Variants in IMPG1 observed in about 807,000 individuals in gnomAD.
IMPG1 encodes interphotoreceptor matrix proteoglycan 1, also known as interphotoreceptor matrix proteoglycan of 150 kDa.
IMPG1 carries 85 observed loss-of-function variants against 92.0 expected under a neutral mutation model. That is an observed-to-expected ratio of 0.92 (90% CI 0.78 to 1.11). IMPG1 has a LOEUF of 1.11. Ranked by LOEUF, IMPG1 falls within the 50% of genes least tolerant of loss-of-function variation. IMPG1 has a pLI of 0.00. For synonymous variants in IMPG1, 367 were observed against 334.1 expected, an observed-to-expected ratio of 1.10 and a Z score of -1.08; for missense variants, 1,022 against 956.0, an observed-to-expected ratio of 1.07 and a Z score of -0.91.
chr6:76,068,560 G>C (rs534786541), intron 1 of IMPG1, among the ~76,000 whole-genome samples: 16 of 145,996 alleles, frequency 1.1e-4, no homozygotes, highest in Middle Eastern at 3.6e-3. Flanking sequence ...TGTTACCCAG[G>C]CTGGAGTGCA....
At chr6:76,017,898 G>A (rs189195832) in intron 7 of IMPG1, among the ~76,000 whole-genome samples, 6 of 151,982 alleles carry the variant, frequency 3.9e-5, no homozygotes, top group South Asian at 2.1e-4. Flanking sequence ...GATTACAGGC[G>A]CCCACCACCA....
At chr6:76,021,664 C>T (rs1006553586) in intron 6 of IMPG1, among the ~76,000 whole-genome samples, 3 of 150,992 alleles carry the variant, frequency 2.0e-5, no homozygotes, top group Admixed American at 6.6e-5. Context: ...CTATTCATCC[C>T]GGACATAACT....
intron 12 of IMPG1, among the ~76,000 whole-genome samples, chr6:75,987,426 G>C (rs981377862): frequency 4.0e-5 from 6 of 151,154 alleles, no homozygotes; most frequent in Admixed American, 2.0e-4. Flanking sequence ...TTTACATTAG[G>C]TATATCTACT....
chr6:76,058,832 T>C, intron 1 of IMPG1, among the ~76,000 whole-genome samples: 1 of 152,210 alleles, frequency 6.6e-6, no homozygotes, highest in East Asian at 1.9e-4. Context: ...ATAAAACTTG[T>C]AGGCTCAGGA....
At chr6:75,940,986 C>T (rs1276343626) in intron 14 of IMPG1, among the ~76,000 whole-genome samples, 1 of 152,188 alleles carries the variant, frequency 6.6e-6, no homozygotes, top group African/African-American at 2.4e-5. Context: ...GAATTAATTG[C>T]TCTCTCCTCA....
chr6:76,022,066 G>T, intron 6 of IMPG1, 50 bp downstream of exon 6: 1 of 1,019,568 alleles, frequency 9.8e-7, no homozygotes, highest in Admixed American at 1.8e-5. Flanking sequence ...TTTTGCTAAA[G>T]AACAAAAACA....
At position 76,022,184 on chromosome 6, in the gene IMPG1, T is replaced by C. The variant is rs551641914; in HGVS notation, c.598A>G (p.Thr200Ala). 3.8e-6 allele frequency: 6 copies of C among 1,596,044 alleles called. No individual in the cohort carries two copies. The highest frequency in any genetic ancestry group is 2.7e-5 in the African/African-American group (2 of 74,338). The change falls in exon 6 of 17, where the codon ACT (threonine) becomes GCT (alanine). Residue 200 changes from threonine to alanine, a missense_variant. By Grantham distance (58) the Thr-to-Ala change is moderately conservative (BLOSUM62 0). This residue lies in a region of IMPG1 where 681 missense variants were observed against 583.6 expected (regional missense o/e 1.17). Transcript: ENST00000369950. ...TCATTGAGGAGGGTGTCATCAGGAGTGAGAGGGAAAGGCCCAAGTGAGACG... is the reference window on the plus strand; with the variant it reads ...TCATTGAGGAGGGTGTCATCAGGAGCGAGAGGGAAAGGCCCAAGTGAGACG... ...ANVSLGPFPL[T>A]PDDTLLNEIL... is the part of the protein sequence containing the mutation.
chr6:76,023,981 C>CT (rs1355076117), intron 5 of IMPG1, among the ~76,000 whole-genome samples: 2 of 151,952 alleles, frequency 1.3e-5, no homozygotes, highest in Non-Finnish European at 2.9e-5. Context: ...TAAATAATAC[C>CT]TTTTTGAATA....
chr6:75,979,301 G>C (rs1224561681), intron 12 of IMPG1, among the ~76,000 whole-genome samples: 2 of 152,186 alleles, frequency 1.3e-5, no homozygotes, highest in Non-Finnish European at 2.9e-5. Context: ...AGTCTCAAAA[G>C]ACAGTTGGTA....
intron 2 of IMPG1, among the ~76,000 whole-genome samples, chr6:76,041,194 A>G (rs1783832330): frequency 6.6e-6 from 1 of 152,206 alleles, no homozygotes; most frequent in South Asian, 2.1e-4. Flanking sequence ...ATAGGAAGTT[A>G]GTGAAAAGAT....
In IMPG1 at chr6:76,034,335, T is replaced by C. The variant is rs751208997; in HGVS notation, c.477A>G (p.Lys159=). The part of the protein sequence containing the change: ...EHLDLLQQRI[K]QRSFPDRKDE... Reference sequence around the variant, plus strand: ...CTTGCCTGTCAGGGAAACTTCTCTGTTTTATTCTCTGCAAAAAGATAAAGA... The same window carrying C: ...CTTGCCTGTCAGGGAAACTTCTCTGCTTTATTCTCTGCAAAAAGATAAAGA... Residue 159 remains lysine (K), a synonymous_variant, in exon 4 of 17, where the codon AAA becomes AAG. Transcript: ENST00000369950. The C allele has an allele frequency of 2.5e-6, 4 of 1,613,178 alleles. No homozygotes were observed. Among genetic ancestry groups the C allele is most frequent in the South Asian group, 1.1e-5 (1 of 91,058 alleles).
intron 1 of IMPG1, among the ~76,000 whole-genome samples, chr6:76,061,543 A>G (rs1292772386): frequency 6.6e-6 from 1 of 152,180 alleles, no homozygotes; most frequent in Non-Finnish European, 1.5e-5. Flanking sequence ...CTTAAAATGC[A>G]AATTCCCTGA....
rs1169030839 is a variant in IMPG1 at position 76,021,798 on chromosome 6, T to TATATATATATATATATAC, written c.666+317_666+318insGTATATATATATATATAT. Reference sequence around the variant, plus strand: ...GAGAGCATATATATATATATATATATATATGGTTTTGTTATATATATATAT... The same window carrying TATATATATATATATATAC: ...GAGAGCATATATATATATATATATATATATATATATATATATACATATGGTTTTGTTATATATATATAT... On this transcript the variant is annotated intron_variant, in intron 6 of 16. Transcript: ENST00000369950. 6.8e-4 allele frequency among the ~76,000 whole-genome samples: 95 copies of TATATATATATATATATAC among 140,716 alleles called. 3 individuals are homozygous for TATATATATATATATATAC. The highest frequency in any genetic ancestry group is 2.4e-3 in the African/African-American group (93 of 38,498). The allele number at this position is 140,716 out of a possible 152,430, so 92.3% of individuals were successfully genotyped here.
In IMPG1 at chr6:75,937,127, A is replaced by C. The variant is rs558240859; in HGVS notation, c.2045-5976T>G. On this transcript the variant is annotated intron_variant, in intron 14 of 16. Coordinates refer to ENST00000369950, the MANE Select transcript of IMPG1 (RefSeq NM_001563.4). ...CAGGGATGTAGGAGATGATGGGGCA[A>C]ATGAAGAGGGGAGAGGCTGAGGAGA... Among the ~76,000 whole-genome samples, 34 of 152,236 alleles carry C rather than the reference A, an allele frequency of 2.2e-4. No homozygotes were observed. The South Asian group carries it at 7.1e-3, about 32-fold the overall frequency.
chr6:75,925,402 T>C (rs1347982760), intron 15 of IMPG1, among the ~76,000 whole-genome samples: 1 of 152,162 alleles, frequency 6.6e-6, no homozygotes, highest in South Asian at 2.1e-4. Context: ...ATATATATAT[T>C]CCCTTATTCA....
Position 76,039,068 on chromosome 6 carries a change from C to A in IMPG1, c.301+2825G>T, listed in dbSNP as rs1379618618. 2.0e-5 allele frequency among the ~76,000 whole-genome samples: 3 copies of A among 152,220 alleles called. 1 individual carries two copies. Among genetic ancestry groups the A allele is most frequent in the Admixed American group, 2.0e-4 (3 of 15,288 alleles). On this transcript the variant is annotated intron_variant, in intron 2 of 16. Transcript: ENST00000369950. ...TTCCCCTGAACATGCCATTTTACTT[C>A]ATCAGATCTCAGTTTTCTTATCCGT...
intron 12 of IMPG1, among the ~76,000 whole-genome samples, chr6:75,974,121 T>C (rs1782466813): frequency 6.6e-6 from 1 of 152,192 alleles, no homozygotes; most frequent in Admixed American, 6.5e-5. Context: ...ACTGCAAAGA[T>C]CAAAGCAACA....
In IMPG1 at chr6:76,041,966, C is replaced by T. The variant is rs372049150; in HGVS notation, c.228G>A (p.Thr76=). 37 of 1,613,848 alleles carry T rather than the reference C, an allele frequency of 2.3e-5. No individual in the cohort carries two copies. The highest frequency in any genetic ancestry group is 1.6e-4 in the Middle Eastern group (1 of 6,080). ...HRTKRSAFFP[T]GVKVCPQESM... is the part of the protein sequence containing the mutation. ...ATTCCTGTGGACAGACTTTAACCCC[C>T]GTTGGGAAAAATGCGGATCTTTTTG... Residue 76 remains threonine (T), a synonymous_variant, in exon 2 of 17, where the codon ACG becomes ACA. Transcript: ENST00000369950.
In IMPG1 at chr6:75,956,724, G is replaced by T. The variant is rs1331972692; in HGVS notation, c.1292-5630C>A. On this transcript the variant is annotated intron_variant, in intron 12 of 16. Transcript: ENST00000369950. ...AGATCTTTCTCACTTTCTTTGGTGGGCATTTAGTGGTATAAATTTCCCTGG... is the reference window on the plus strand; with the variant it reads ...AGATCTTTCTCACTTTCTTTGGTGGTCATTTAGTGGTATAAATTTCCCTGG... 2.0e-5 allele frequency among the ~76,000 whole-genome samples: 3 copies of T among 152,108 alleles called. No homozygotes were observed. In the East Asian group the frequency reaches 5.8e-4, roughly 29 times the overall value.
Sources: gnomAD v4.1 joint callset for allele counts (sites outside exome capture counted in the v4.1 genomes callset) on GRCh38, gnomAD v4.1.1 for gene constraint, gnomAD v4.1.1 regional missense constraint, MANE v1.5 for transcripts, NCBI Gene and HGNC (gene_info 2026-07-23, HGNC 2026-07-21) for gene names.